The following COPG2 variants were observed in gnomAD, a reference collection of about 807,000 sequenced individuals.
The protein encoded by COPG2 is coat protein complex I subunit gamma 2.
COPG2 carries 37 observed loss-of-function variants against 46.3 expected under a neutral mutation model. That is an observed-to-expected ratio of 0.80 (90% CI 0.61 to 1.05). The LOEUF is 1.05. COPG2 is among the 50% of genes least tolerant of loss of function. COPG2 has a pLI of 0.00. For missense variants in COPG2, 427 were observed against 387.8 expected (o/e 1.10, Z -0.85); for synonymous variants, 159 against 129.7 (o/e 1.23, Z -1.53).
intron 9 of COPG2, chr7:130,602,898 T>G (rs1405798494): frequency 1.3e-5 from 2 of 152,138 alleles, no homozygotes; most frequent in Non-Finnish European, 2.9e-5. Context: ...TTGTTTAAGG[T>G]GGTATGGCCA....
chr7:130,647,590 T>C (rs1282609187), intron 5 of COPG2, among the ~76,000 whole-genome samples: 1 of 152,138 alleles, frequency 6.6e-6, no homozygotes, highest in African/African-American at 2.4e-5. Flanking sequence ...ACGGTGGTTG[T>C]ATCATTCTAC....
intron 20 of COPG2, among the ~76,000 whole-genome samples, chr7:130,532,569 G>T (rs1200678945): frequency 6.6e-6 from 1 of 152,066 alleles, no homozygotes; most frequent in Non-Finnish European, 1.5e-5. Flanking sequence ...ATGTGAGGAG[G>T]AGGGTGGGGG....
At chr7:130,559,959 C>A (rs1793690934) in intron 12 of COPG2, among the ~76,000 whole-genome samples, 1 of 151,932 alleles carries the variant, frequency 6.6e-6, no homozygotes, top group Non-Finnish European at 1.5e-5. Flanking sequence ...TTTTTAAAAT[C>A]ATCTCTGACA....
intron 9 of COPG2, among the ~76,000 whole-genome samples, chr7:130,600,788 T>C (rs1397261920): frequency 6.6e-6 from 1 of 152,200 alleles, no homozygotes; most frequent in Non-Finnish European, 1.5e-5. Context: ...TAAATTCAAT[T>C]ACATTCATTA....
intron 5 of COPG2, among the ~76,000 whole-genome samples, chr7:130,648,898 C>G (rs926990394): frequency 2.0e-5 from 3 of 152,178 alleles, no homozygotes; most frequent in Non-Finnish European, 2.9e-5. Flanking sequence ...TCACTTCATC[C>G]TCTCATTTCT....
chr7:130,520,382 C>T (rs1799714489), intron 20 of COPG2, among the ~76,000 whole-genome samples: 1 of 152,088 alleles, frequency 6.6e-6, no homozygotes, highest in Admixed American at 6.6e-5. Flanking sequence ...AAATGTATGA[C>T]TTAGTCTGGG....
intron 20 of COPG2, among the ~76,000 whole-genome samples, chr7:130,514,912 G>A (rs1799666408): frequency 6.6e-6 from 1 of 152,188 alleles, no homozygotes; most frequent in African/African-American, 2.4e-5. Context: ...GTGGGTGTAA[G>A]GCCAGATTGC....
intron 9 of COPG2, among the ~76,000 whole-genome samples, chr7:130,574,222 A>G (rs1793965189): frequency 6.6e-6 from 1 of 152,230 alleles, no homozygotes; most frequent in African/African-American, 2.4e-5. Context: ...TGCATGCTAC[A>G]ACACAGTGAA....
At chr7:130,592,394 TC>T (rs1794448909) in intron 9 of COPG2, among the ~76,000 whole-genome samples, 3 of 66,860 alleles carry the variant, frequency 4.5e-5, no homozygotes, top group African/African-American at 8.3e-5. Flanking sequence ...CCAAGAATGA[TC>T]AAAAAAAAAA....
At chr7:130,566,246 G>A (rs1456220956) in intron 9 of COPG2, among the ~76,000 whole-genome samples, 1 of 152,176 alleles carries the variant, frequency 6.6e-6, no homozygotes, top group African/African-American at 2.4e-5. Flanking sequence ...GATTAGTGAT[G>A]TTGACCATTT....
chr7:130,605,148 C>T (rs1282449574), intron 9 of COPG2: 1 of 511,574 alleles, frequency 2.0e-6, no homozygotes, highest in Non-Finnish European at 3.9e-6. Flanking sequence ...TTTCTTTAAT[C>T]TGTTTTCTCT....
intron 9 of COPG2, among the ~76,000 whole-genome samples, chr7:130,570,811 C>A (rs1793883248): frequency 6.6e-6 from 1 of 152,142 alleles, no homozygotes; most frequent in South Asian, 2.1e-4. Context: ...TACTATAAGG[C>A]CACAGTCACC....
intron 11 of COPG2, among the ~76,000 whole-genome samples, chr7:130,562,971 G>A (rs1227975926): frequency 6.6e-6 from 1 of 152,170 alleles, no homozygotes; most frequent in South Asian, 2.1e-4. Context: ...GTGACTGAGG[G>A]TTGAATTTTT....
At chr7:130,617,592 C>G (rs1173752457) in intron 5 of COPG2, among the ~76,000 whole-genome samples, 3 of 152,200 alleles carry the variant, frequency 2.0e-5, no homozygotes, top group Non-Finnish European at 4.4e-5. Context: ...GAGGTGTGAA[C>G]TAGCTACAAA....
At chr7:130,619,464 A>C (rs1230479951) in intron 5 of COPG2, among the ~76,000 whole-genome samples, 2 of 152,180 alleles carry the variant, frequency 1.3e-5, no homozygotes, top group Admixed American at 6.5e-5. Context: ...AAAGCAAAAA[A>C]ATTAATGCAC....
chr7:130,548,582 G>A, intron 18 of COPG2, 40 bp from the exon 19 acceptor site: 2 of 398,334 alleles, frequency 5.0e-6, no homozygotes, highest in East Asian at 3.6e-5. Context: ...AGAAGACAGG[G>A]AAAGACTTCA....
At chr7:130,665,256 G>A (rs1796052318) in intron 3 of COPG2, among the ~76,000 whole-genome samples, 2 of 152,158 alleles carry the variant, frequency 1.3e-5, no homozygotes, top group African/African-American at 4.8e-5. Context: ...ATCTCTGAGT[G>A]AGGTCTTCAG....
chr7:130,611,375 C>G (rs531324436), intron 8 of COPG2, among the ~76,000 whole-genome samples: 1 of 152,328 alleles, frequency 6.6e-6, no homozygotes, highest in South Asian at 2.1e-4. Context: ...GCAGGCTCAA[C>G]ACTGGCTCAC....
intron 9 of COPG2, among the ~76,000 whole-genome samples, chr7:130,572,387 C>CA (rs527436717): frequency 5.3e-5 from 8 of 152,182 alleles, no homozygotes; most frequent in Admixed American, 2.0e-4. Flanking sequence ...TTATAGAAAA[C>CA]ATTCAACCCA....
Sources: allele counts gnomAD v4.1 joint callset (sites outside exome capture counted in the v4.1 genomes callset), GRCh38; gene constraint gnomAD v4.1.1; transcripts MANE v1.5; gene names NCBI Gene and HGNC (gene_info 2026-07-23, HGNC 2026-07-21).